Variants in WIPF3 observed in about 807,000 individuals in gnomAD.
The protein encoded by WIPF3 is WAS/WASL interacting protein family member 3.
A neutral mutation model predicts 38.9 loss-of-function variants in WIPF3; 33 were observed. The ratio of observed to expected loss-of-function variants is 0.85; its 90% CI spans 0.64 to 1.14. The LOEUF (loss-of-function observed/expected upper bound fraction) is 1.14, where lower values mean the gene tolerates loss of function less well. WIPF3 is among the 50% of genes most tolerant of loss of function. The probability of loss-of-function intolerance (pLI) is 0.00; values close to 1 mark genes in which losing one functional copy is unlikely to be tolerated. For synonymous variants in WIPF3, 324 were observed against 269.3 expected, an observed-to-expected ratio of 1.20 and a Z score of -1.99; for missense variants, 711 against 652.5, an observed-to-expected ratio of 1.09 and a Z score of -0.98.
rs1786489590 is a variant in WIPF3 at position 29,910,684 on chromosome 7, G to A, written c.1429-3809G>A. 2.6e-5 allele frequency among the ~76,000 whole-genome samples: 4 copies of A among 152,102 alleles called. No individual in the cohort carries two copies. The South Asian group carries it at 8.3e-4, about 32-fold the overall frequency. On this transcript the variant is annotated intron_variant, in intron 8 of 8. Transcript: ENST00000242140. ...AAAAAAACACATGATCATCTCAATTGATGCAGAAAAAGCATTTGACAAAAT... is the reference window on the plus strand; with the variant it reads ...AAAAAAACACATGATCATCTCAATTAATGCAGAAAAAGCATTTGACAAAAT...
intron 1 of WIPF3, among the ~76,000 whole-genome samples, chr7:29,827,239 T>C (rs1226357553): frequency 1.3e-5 from 2 of 152,050 alleles, no homozygotes; most frequent in Non-Finnish European, 2.9e-5. Flanking sequence ...TTTATATCAT[T>C]GAGAAGAGTG....
At chr7:29,911,585 A>G (rs1286537556) in intron 8 of WIPF3, among the ~76,000 whole-genome samples, 2 of 152,192 alleles carry the variant, frequency 1.3e-5, no homozygotes, top group Non-Finnish European at 2.9e-5. Context: ...CCAATGGGAT[A>G]GAATAAAAAG....
intron 2 of WIPF3, among the ~76,000 whole-genome samples, chr7:29,854,813 G>T (rs1195661816): frequency 6.6e-6 from 1 of 152,150 alleles, no homozygotes; most frequent in Non-Finnish European, 1.5e-5. Flanking sequence ...GAGGGCCTTT[G>T]AAAAGGTAAT....
chr7:29,878,726 T>A lies in WIPF3; in HGVS notation c.224-283T>A, dbSNP rs1374231184. On this transcript the variant is annotated intron_variant, in intron 3 of 8. Transcript: ENST00000242140. The surrounding 1 kb of genome is among the most constrained non-coding windows in gnomAD (Gnocchi z 4.0). ...AGTTGCTCTGTTAGCATCTACAAAA[T>A]GGCAGTGTTCAGGTCCCTTTGTTTT... is the stretch of plus-strand genomic sequence containing the variant. Among the ~76,000 whole-genome samples the A allele has an allele frequency of 6.6e-6, 1 of 152,202 alleles. No homozygotes were observed. The highest frequency in any genetic ancestry group is 2.4e-5 in the African/African-American group (1 of 41,440).
intron 2 of WIPF3, among the ~76,000 whole-genome samples, chr7:29,852,655 G>A (rs1785121922): frequency 6.6e-6 from 1 of 152,206 alleles, no homozygotes; most frequent in Non-Finnish European, 1.5e-5. Context: ...GGAACTTCTT[G>A]TATGTCTTCC....
At chr7:29,832,795 G>A (rs1407870874) in intron 1 of WIPF3, among the ~76,000 whole-genome samples, 3 of 152,080 alleles carry the variant, frequency 2.0e-5, no homozygotes, top group Admixed American at 6.6e-5. Context: ...AAAAAAGATG[G>A]TACCATATGA....
intron 8 of WIPF3, among the ~76,000 whole-genome samples, chr7:29,909,598 A>G (rs1236678910): frequency 2.0e-5 from 3 of 152,186 alleles, no homozygotes; most frequent in Non-Finnish European, 4.4e-5. Context: ...ACCAAATCAC[A>G]ATGAAATAGA....
chr7:29,811,145 C>T (rs1033128476), intron 1 of WIPF3, among the ~76,000 whole-genome samples: 1 of 152,088 alleles, frequency 6.6e-6, no homozygotes, highest in Non-Finnish European at 1.5e-5. Context: ...CCTGCCTCAG[C>T]CTCCCAAAGT....
At chr7:29,837,182 C>CT (rs1784818111) in intron 2 of WIPF3, among the ~76,000 whole-genome samples, 2 of 151,950 alleles carry the variant, frequency 1.3e-5, no homozygotes, top group Admixed American at 1.3e-4. Flanking sequence ...GGTGAAACCC[C>CT]GTCTCTACTA....
At chr7:29,832,210 A>G (rs1784733514) in intron 1 of WIPF3, among the ~76,000 whole-genome samples, 1 of 152,172 alleles carries the variant, frequency 6.6e-6, no homozygotes, top group Admixed American at 6.5e-5. Context: ...TTTTTGACTA[A>G]AAATATTTTT....
rs139485015 is a variant in WIPF3, at chr7:29,845,511, T to C, written c.90+10697T>C. On this transcript the variant is annotated intron_variant, in intron 2 of 8. Coordinates refer to ENST00000242140, the MANE Select transcript of WIPF3 (RefSeq NM_001080529.3). ...AAAGATGAGTATAGAATTGGCTTCT[T>C]ATTCCTAGACTAAAACTTTGTACCA... Among the ~76,000 whole-genome samples the C allele has an allele frequency of 4.3e-3, 655 of 152,346 alleles. 8 individuals carry two copies. Among genetic ancestry groups the C allele is most frequent in the African/African-American group, 0.015 (621 of 41,580 alleles).
At chr7:29,887,708 T>A (rs1056201062) in intron 5 of WIPF3, among the ~76,000 whole-genome samples, 1 of 152,212 alleles carries the variant, frequency 6.6e-6, no homozygotes, top group Non-Finnish European at 1.5e-5. Flanking sequence ...GGGCTGTACC[T>A]GATGATGAAG....
At chr7:29,841,908 A>G (rs1223353278) in intron 2 of WIPF3, among the ~76,000 whole-genome samples, 1 of 152,250 alleles carries the variant, frequency 6.6e-6, no homozygotes, top group East Asian at 1.9e-4. Flanking sequence ...TATAAGATGT[A>G]ACCTAAAAAT....
At chr7:29,911,032 C>A (rs77020916) in intron 8 of WIPF3, among the ~76,000 whole-genome samples, 11 of 148,606 alleles carry the variant, frequency 7.4e-5, no homozygotes, top group Admixed American at 6.7e-5. Flanking sequence ...AAGATTCCAC[C>A]AAAAAAAAAA....
chr7:29,831,163 G>A (rs1197075779), intron 1 of WIPF3, among the ~76,000 whole-genome samples: 3 of 152,212 alleles, frequency 2.0e-5, no homozygotes, highest in Non-Finnish European at 4.4e-5. Flanking sequence ...TGGTTTTGCA[G>A]TTTAAAATGG....
chr7:29,847,686 A>G (rs1345364087), intron 2 of WIPF3, among the ~76,000 whole-genome samples: 1 of 152,210 alleles, frequency 6.6e-6, no homozygotes, highest in African/African-American at 2.4e-5. Flanking sequence ...GTGTGGGACA[A>G]GACCCTCTCT....
chr7:29,914,650 T>G lies in WIPF3; in HGVS notation c.*134T>G. 1 of 543,102 alleles carries G rather than the reference T, an allele frequency of 1.8e-6. No homozygotes were observed. The highest frequency in any genetic ancestry group is 3.0e-6 in the Non-Finnish European group (1 of 333,114). The allele number at this position is 543,102 out of a possible 1,614,324, so 33.6% of individuals were successfully genotyped here. On this transcript the variant is annotated 3_prime_UTR_variant, in exon 9 of 9. Transcript: ENST00000242140. ...TGAGAATTTATTTATTGTAAATATG[T>G]GATTTGCACGGGCTTTAAAGCAGTA... is the stretch of plus-strand genomic sequence containing the variant.
At chr7:29,910,003 GACCT>G (rs1311636049) in intron 8 of WIPF3, among the ~76,000 whole-genome samples, 1 of 152,018 alleles carries the variant, frequency 6.6e-6, no homozygotes, top group Non-Finnish European at 1.5e-5. Flanking sequence ...GAATAAATAA[GACCT>G]ACTATTTGAT....
At chr7:29,910,589 C>T (rs1475318430) in intron 8 of WIPF3, among the ~76,000 whole-genome samples, 1 of 152,012 alleles carries the variant, frequency 6.6e-6, no homozygotes, top group African/African-American at 2.4e-5. Context: ...GGATTTATTC[C>T]TGCATGGCAA....
Sources: gnomAD v4.1 joint callset for allele counts (sites outside exome capture counted in the v4.1 genomes callset) on GRCh38, gnomAD v4.1.1 for gene constraint, Gnocchi (gnomAD v3.1) non-coding constraint, MANE v1.5 for transcripts, NCBI Gene and HGNC (gene_info 2026-07-23, HGNC 2026-07-21) for gene names.